The following SPATA7 variants were observed in gnomAD, a reference collection of about 807,000 sequenced individuals.
SPATA7 encodes the protein spermatogenesis associated 7, also known as spermatogenesis-associated protein 7.
SPATA7 carries 43 observed loss-of-function variants against 51.8 expected under a neutral mutation model. That is an observed-to-expected ratio of 0.83 (90% CI 0.65 to 1.07). The LOEUF is 1.07. SPATA7 is among the 50% of genes least tolerant of loss of function. The pLI, the probability that SPATA7 is intolerant of heterozygous loss-of-function variation, is 0.00. For missense variants in SPATA7, 683 were observed against 701.3 expected, an observed-to-expected ratio of 0.97 and a Z score of 0.30; for synonymous variants, 230 against 252.8, an observed-to-expected ratio of 0.91 and a Z score of 0.86.
chr14:88,460,532 G>T (rs2077310659), intron 4 of SPATA7, among the ~76,000 whole-genome samples: 1 of 152,146 alleles, frequency 6.6e-6, no homozygotes, highest in Admixed American at 6.5e-5. Flanking sequence ...TCATCACGTA[G>T]TTCTCTTGCC....
chr14:88,417,867 T>C (rs1219564141), intron 5 of SPATA7, among the ~76,000 whole-genome samples: 7 of 152,228 alleles, frequency 4.6e-5, no homozygotes, highest in Non-Finnish European at 1.0e-4. Context: ...CTTTCTGTAC[T>C]CTAGCTTGTG....
chr14:88,469,590 G>T lies in SPATA7; in HGVS notation c.255-257G>T. The T allele has an allele frequency of 6.2e-7, 1 of 1,614,170 alleles. No homozygotes were observed. On this transcript the variant is annotated intron_variant, in intron 4 of 4. Coordinates refer to the SPATA7 transcript ENST00000556406. This position sits in a 1 kb window ranked among gnomAD's most constrained non-coding sequence, Gnocchi z 4.3. ...CGGTCCTCTCTTGCCCAGTAAGGAG[G>T]TGCTTCATCTTCAGGCCTGTGGTGG...
intron 4 of SPATA7, among the ~76,000 whole-genome samples, chr14:88,464,154 A>G (rs899076403): frequency 1.3e-5 from 2 of 151,940 alleles, no homozygotes; most frequent in African/African-American, 4.8e-5. Flanking sequence ...TCATTTTTCT[A>G]TAAATAATTT....
At chr14:88,391,251 A>T in intron 1 of SPATA7, 130 bp from the exon 2 acceptor site, 1 of 785,528 alleles carries the variant, frequency 1.3e-6, no homozygotes, top group Non-Finnish European at 2.0e-6. Flanking sequence ...ACTACTAAAA[A>T]CGCAATCACC....
chr14:88,429,921 T>TTTATTTATTTAA, intron 8 of SPATA7, among the ~76,000 whole-genome samples: 1 of 151,844 alleles, frequency 6.6e-6, no homozygotes, highest in South Asian at 2.1e-4. Flanking sequence ...TATTTATTTA[T>TTTATTTATTTAA]TTATGAGACA....
intron 5 of SPATA7, among the ~76,000 whole-genome samples, chr14:88,419,114 G>T (rs769969697): frequency 5.9e-5 from 9 of 151,904 alleles, no homozygotes; most frequent in South Asian, 2.1e-4. Flanking sequence ...GATTATTTTT[G>T]TCTGGTTAAT....
downstream of SPATA7, among the ~76,000 whole-genome samples, chr14:88,460,157 C>A (rs2077308458): frequency 6.6e-6 from 1 of 152,144 alleles, no homozygotes; most frequent in Non-Finnish European, 1.5e-5. Context: ...TCCTTCATTT[C>A]AACTTTGGTG....
intron 3 of SPATA7, among the ~76,000 whole-genome samples, chr14:88,451,595 C>T (rs1232272943): frequency 1.3e-5 from 2 of 150,650 alleles, no homozygotes; most frequent in Non-Finnish European, 3.0e-5. Flanking sequence ...GCCACAATCT[C>T]GGCTCACTGC....
At chr14:88,405,954 A>G (rs545989196) in intron 4 of SPATA7, among the ~76,000 whole-genome samples, 76 of 152,364 alleles carry the variant, frequency 5.0e-4, no homozygotes, top group African/African-American at 1.8e-3. Flanking sequence ...CAATTAAGGC[A>G]GGAATTTTTC....
chr14:88,458,371 G>C (rs2077298043), downstream of SPATA7, among the ~76,000 whole-genome samples: 1 of 152,080 alleles, frequency 6.6e-6, no homozygotes, highest in Non-Finnish European at 1.5e-5. Flanking sequence ...TTTTTGGTTG[G>C]TAGGCTATTA....
chr14:88,464,792 C>T (rs2077344437), intron 4 of SPATA7, among the ~76,000 whole-genome samples: 1 of 152,152 alleles, frequency 6.6e-6, no homozygotes, highest in African/African-American at 2.4e-5. Flanking sequence ...ATGCAAATCT[C>T]AAATAATAAA....
chr14:88,464,185 GTTC>G (rs1463847623), intron 4 of SPATA7, among the ~76,000 whole-genome samples: 8 of 152,176 alleles, frequency 5.3e-5, no homozygotes, highest in African/African-American at 4.8e-5. Flanking sequence ...GGTAAATGGA[GTTC>G]TTATTTCCAG....
intron 4 of SPATA7, chr14:88,467,360 A>C (rs2140072295): frequency 6.6e-6 from 1 of 152,358 alleles, no homozygotes; most frequent in South Asian, 2.1e-4. Flanking sequence ...AGATCTATGA[A>C]TAATACTGAA....
chr14:88,398,603 C>T (rs1342420143), intron 4 of SPATA7, among the ~76,000 whole-genome samples: 2 of 148,210 alleles, frequency 1.3e-5, no homozygotes, highest in African/African-American at 5.0e-5. Flanking sequence ...ACAATGTGCA[C>T]ATGTACCCTA....
intron 3 of SPATA7, among the ~76,000 whole-genome samples, chr14:88,445,281 CTGTT>C (rs1424877777): frequency 2.7e-5 from 4 of 149,512 alleles, no homozygotes; most frequent in Non-Finnish European, 6.0e-5. Context: ...ATTTGGCTCT[CTGTT>C]TGTCTGTTGT....
At chr14:88,460,044 T>C (rs988897177), downstream of SPATA7, among the ~76,000 whole-genome samples, 4 of 152,212 alleles carry the variant, frequency 2.6e-5, no homozygotes, top group Non-Finnish European at 5.9e-5. Context: ...TGGCCCCCAC[T>C]CTCTTCTGGC....
intron 3 of SPATA7, among the ~76,000 whole-genome samples, chr14:88,395,244 T>A (rs2139879775): frequency 6.6e-6 from 1 of 152,222 alleles, no homozygotes; most frequent in Non-Finnish European, 1.5e-5. Flanking sequence ...TCCCATTAAC[T>A]ACAGACCTTA....
intron 2 of SPATA7, chr14:88,391,904 A>T (rs1466355757): frequency 1.2e-5 from 2 of 166,714 alleles, no homozygotes; most frequent in African/African-American, 2.4e-5. Context: ...TGATATTTTT[A>T]TATTTTAAAG....
At chr14:88,394,544 A>C (rs2075830499) in intron 3 of SPATA7, among the ~76,000 whole-genome samples, 1 of 152,114 alleles carries the variant, frequency 6.6e-6, no homozygotes, top group Non-Finnish European at 1.5e-5. Flanking sequence ...CAATTTGTTT[A>C]TGATTCACCA....
Sources: allele counts gnomAD v4.1 joint callset (sites outside exome capture counted in the v4.1 genomes callset), GRCh38; gene constraint gnomAD v4.1.1; non-coding constraint Gnocchi (gnomAD v3.1); transcripts MANE v1.5; gene names NCBI Gene and HGNC (gene_info 2026-07-23, HGNC 2026-07-21).